Variants in MCF2 observed in about 807,000 individuals in gnomAD.
The protein encoded by MCF2 is proto-oncogene DBL.
A neutral mutation model predicts 82.5 loss-of-function variants in MCF2; 44 were observed. The observed-to-expected ratio is 0.53, with a 90% CI of 0.42 to 0.69. The LOEUF is 0.69. Ranked by LOEUF, MCF2 falls within the 30% of genes least tolerant of loss-of-function variation. MCF2 has a pLI of 0.00. For synonymous variants in MCF2, 217 were observed against 224.9 expected (o/e 0.96, Z 0.32); for missense variants, 623 against 663.1 (o/e 0.94, Z 0.66).
intron 1 of MCF2, among the ~76,000 whole-genome samples, chrX:139,638,207 A>G (rs1009810067): frequency 1.8e-5 from 2 of 111,790 alleles, no homozygotes; most frequent in African/African-American, 3.3e-5. Context: ...CTTCTAGCAC[A>G]TAAGTAGCAG....
intron 6 of MCF2, among the ~76,000 whole-genome samples, chrX:139,623,600 G>T (rs1375068424): frequency 7.2e-5 from 8 of 111,220 alleles, no homozygotes; most frequent in Non-Finnish European, 1.3e-4. Context: ...GAAGGCAAGG[G>T]CTTAAAAACT....
At chrX:139,706,863 G>A (rs1935598755) in intron 1 of MCF2, among the ~76,000 whole-genome samples, 1 of 109,283 alleles carries the variant, frequency 9.2e-6, no homozygotes, top group Admixed American at 9.8e-5. Flanking sequence ...CAAAAATAAA[G>A]GTTGTCTAAG....
chrX:139,651,742 C>T, exon 2 of MCF2: 5 of 1,162,311 alleles, frequency 4.3e-6, no homozygotes, highest in Non-Finnish European at 5.8e-6. Context: ...CGATGTCTTG[C>T]ATTAAGAAAT....
intron 6 of MCF2, among the ~76,000 whole-genome samples, chrX:139,622,624 G>C (rs201425812): frequency 9.2e-6 from 1 of 109,170 alleles, no homozygotes; most frequent in Non-Finnish European, 1.9e-5. Flanking sequence ...GCAAACTATC[G>C]CAAGGACAAA....
chrX:139,589,806 G>A, intron 20 of MCF2, 29 bp downstream of exon 24: 3 of 1,035,116 alleles, frequency 2.9e-6, no homozygotes, highest in Non-Finnish European at 4.0e-6. Context: ...GCAGGTTTGG[G>A]TTTCTAGAAG....
exon 1 of MCF2, chrX:139,642,509 C>T: frequency 8.3e-7 from 1 of 1,211,284 alleles, no homozygotes. Context: ...CGGGGATTTG[C>T]TTCTGCCATT....
At chrX:139,656,884 A>G (rs1254530305) in intron 1 of MCF2, among the ~76,000 whole-genome samples, 1 of 112,244 alleles carries the variant, frequency 8.9e-6, no homozygotes, top group Non-Finnish European at 1.9e-5. Context: ...ACCTGGATCA[A>G]GTCCACATTA....
chrX:139,629,634 T>C lies in MCF2; in HGVS notation c.438+61A>G, dbSNP rs748572515. The C allele has an allele frequency of 2.8e-6, 3 of 1,067,338 alleles. No individual in the cohort carries two copies. In the Admixed American group the frequency reaches 7.3e-5, roughly 26 times the overall value. The allele number at this position is 1,067,338 out of a possible 1,213,427, so 88.0% of individuals were successfully genotyped here. On this transcript the variant is annotated intron_variant, in intron 4 of 24. Coordinates refer to ENST00000370576, the Ensembl canonical transcript of MCF2. ...AACAGTCAGTGTAAAATGGAGATAA[T>C]AAACACCTCTCTAGATAAAGACCAT...
upstream of MCF2, chrX:139,645,436 T>C (rs185913127): frequency 7.6e-6 from 3 of 393,357 alleles, no homozygotes; most frequent in African/African-American, 7.7e-5. Flanking sequence ...AACCTCTCCT[T>C]CTACTTTCCC....
intron 1 of MCF2, among the ~76,000 whole-genome samples, chrX:139,693,568 C>T (rs1935322088): frequency 9.0e-6 from 1 of 110,532 alleles, no homozygotes; most frequent in Non-Finnish European, 1.9e-5. Context: ...TTCAACTTCT[C>T]GGAGTTGATT....
At chrX:139,660,925 A>G (rs1245754261) in intron 1 of MCF2, among the ~76,000 whole-genome samples, 1 of 112,027 alleles carries the variant, frequency 8.9e-6, no homozygotes, top group Non-Finnish European at 1.9e-5. Flanking sequence ...CTCACAAAGC[A>G]TAAAAATTAA....
chrX:139,666,187 T>C (rs1219010212), intron 1 of MCF2, among the ~76,000 whole-genome samples: 1 of 107,701 alleles, frequency 9.3e-6, no homozygotes, highest in Non-Finnish European at 1.9e-5. Flanking sequence ...TGCTATCAAA[T>C]AGTAGGTCTT....
intron 1 of MCF2, among the ~76,000 whole-genome samples, chrX:139,653,967 G>C (rs1376155606): frequency 9.0e-6 from 1 of 111,068 alleles, no homozygotes; most frequent in Non-Finnish European, 1.9e-5. Context: ...CTGCAAATAA[G>C]AGGATTTCAT....
At chrX:139,659,991 A>C (rs1934313113) in intron 1 of MCF2, among the ~76,000 whole-genome samples, 1 of 112,152 alleles carries the variant, frequency 8.9e-6, no homozygotes, top group Admixed American at 9.4e-5. Context: ...CAGATAAGTT[A>C]ACAGCCTCAG....
intron 1 of MCF2, among the ~76,000 whole-genome samples, chrX:139,640,039 GCGGTAGTACGGCCTAT>G (rs1933472596): frequency 1.8e-5 from 2 of 110,861 alleles, no homozygotes; most frequent in Admixed American, 1.9e-4. Context: ...TTGGTAAGCA[GCGGTAGTACGGCCTAT>G]CTGGATCCTA....
intron 1 of MCF2, among the ~76,000 whole-genome samples, chrX:139,686,490 C>T (rs999061057): frequency 1.8e-5 from 2 of 109,286 alleles, no homozygotes; most frequent in Non-Finnish European, 3.8e-5. Flanking sequence ...CCACTGCATG[C>T]CAGCTTGGGT....
At chrX:139,646,727 A>G (rs1933813729), upstream of MCF2, 4 of 544,118 alleles carry the variant, frequency 7.4e-6, no homozygotes, top group Admixed American at 4.9e-5. Context: ...TTTTCATGTT[A>G]TGACATTCAG....
intron 20 of MCF2, among the ~76,000 whole-genome samples, chrX:139,589,553 G>T (rs770264885): frequency 9.0e-6 from 1 of 111,526 alleles, no homozygotes; most frequent in Non-Finnish European, 1.9e-5. Flanking sequence ...TTGGAAATTT[G>T]ATGGGGACAG....
At chrX:139,610,445 G>A (rs1467598106) in intron 10 of MCF2, 107 bp from the exon 15 acceptor site, 3 of 434,879 alleles carry the variant, frequency 6.9e-6, no homozygotes, top group Non-Finnish European at 1.1e-5. Flanking sequence ...ATTCCAATAT[G>A]TTTATATTAG....
Sources: gnomAD v4.1 joint callset for allele counts (sites outside exome capture counted in the v4.1 genomes callset) on GRCh38, gnomAD v4.1.1 for gene constraint, MANE v1.5 for transcripts, NCBI Gene and HGNC (gene_info 2026-07-23, HGNC 2026-07-21) for gene names.